CDH18: variants seen among roughly 807,000 people sequenced by gnomAD.
CDH18 encodes cadherin-18.
In CDH18, 31 loss-of-function variants were observed where a neutral mutation model predicts 67.9. The ratio of observed to expected loss-of-function variants is 0.46; its 90% CI spans 0.34 to 0.62. The LOEUF is 0.62. Among genes scored for constraint, CDH18 ranks in the 20% least tolerant of loss-of-function variants. The pLI, the probability that CDH18 is intolerant of heterozygous loss-of-function variation, is 0.01. For missense variants in CDH18, 890 were observed against 975.5 expected (o/e 0.91, Z 1.17); for synonymous variants, 362 against 347.2 (o/e 1.04, Z -0.48).
chr5:19,848,950 C>T (rs1471873262), intron 2 of CDH18, among the ~76,000 whole-genome samples: 2 of 150,070 alleles, frequency 1.3e-5, no homozygotes, highest in Non-Finnish European at 3.0e-5. Flanking sequence ...TATATATACA[C>T]ACACACACAT....
At chr5:20,115,554 G>T (rs952557499) in intron 2 of CDH18, among the ~76,000 whole-genome samples, 1 of 151,836 alleles carries the variant, frequency 6.6e-6, no homozygotes, top group East Asian at 1.9e-4. Flanking sequence ...TGGGATTACA[G>T]GTGGACCTCA....
intron 2 of CDH18, among the ~76,000 whole-genome samples, chr5:20,060,852 A>C (rs191912036): frequency 6.6e-6 from 1 of 152,206 alleles, no homozygotes; most frequent in African/African-American, 2.4e-5. Flanking sequence ...AATGGCTCTG[A>C]AAGAAAACAA....
At chr5:20,077,111 A>T (rs965548168) in intron 2 of CDH18, among the ~76,000 whole-genome samples, 8 of 152,160 alleles carry the variant, frequency 5.3e-5, no homozygotes, top group Non-Finnish European at 7.4e-5. Context: ...CCCTACTCCA[A>T]GAAAATTGGG....
At chr5:20,140,174 T>C (rs1750112946) in intron 2 of CDH18, among the ~76,000 whole-genome samples, 2 of 152,156 alleles carry the variant, frequency 1.3e-5, no homozygotes, top group Non-Finnish European at 2.9e-5. Context: ...TGTAGGCACA[T>C]GGATGAAGCT....
chr5:19,747,194 T>G lies in CDH18; in HGVS notation c.271A>C (p.Ile91Leu). 6.2e-7 allele frequency: 1 copy of G among 1,613,982 alleles called. No individual in the cohort carries two copies. The highest frequency in any genetic ancestry group is 8.5e-7 in the Non-Finnish European group (1 of 1,179,864). ...SDKGDGSVKY[I>L]LTGEGAGTIF... ...GTCCCAGCACCCTCTCCAGTAAGGATGTACTTGACAGATCCATCACCTTTG... is the reference window on the plus strand; with the variant it reads ...GTCCCAGCACCCTCTCCAGTAAGGAGGTACTTGACAGATCCATCACCTTTG... Residue 91 changes from isoleucine (I) to leucine (L), a missense_variant, in exon 4 of 13, where the codon ATC becomes CTC. This residue lies in a region of CDH18 where 234 missense variants were observed against 307.4 expected (regional missense o/e 0.76). Coordinates refer to ENST00000382275, the MANE Select transcript of CDH18 (RefSeq NM_004934.5).
At chr5:20,517,755 C>T (rs1755467312) in intron 1 of CDH18, among the ~76,000 whole-genome samples, 1 of 151,912 alleles carries the variant, frequency 6.6e-6, no homozygotes, top group Non-Finnish European at 1.5e-5. Flanking sequence ...TTGGAAAAAA[C>T]ACCAAAGAAA....
At chr5:20,513,548 T>C (rs1755173834) in intron 1 of CDH18, among the ~76,000 whole-genome samples, 1 of 152,156 alleles carries the variant, frequency 6.6e-6, no homozygotes, top group Admixed American at 6.6e-5. Context: ...TTCAAATAAC[T>C]TCTTTAATAT....
intron 2 of CDH18, among the ~76,000 whole-genome samples, chr5:20,142,560 A>G (rs571699985): frequency 6.5e-4 from 99 of 151,870 alleles, no homozygotes; most frequent in South Asian, 4.4e-3. Context: ...AGCCTGGACA[A>G]CAGAGAGAGA....
chr5:19,648,616 A>G (rs992859985), intron 5 of CDH18, among the ~76,000 whole-genome samples: 2 of 152,004 alleles, frequency 1.3e-5, no homozygotes, highest in African/African-American at 4.8e-5. Context: ...TAGCTATTCT[A>G]TTGATGTTCA....
chr5:19,679,223 T>C (rs527312861), intron 5 of CDH18, among the ~76,000 whole-genome samples: 32 of 152,184 alleles, frequency 2.1e-4, no homozygotes, highest in African/African-American at 7.5e-4. Context: ...TCTCAATAGA[T>C]GCAGAAAAGT....
At chr5:19,945,447 A>G (rs968904478) in intron 2 of CDH18, among the ~76,000 whole-genome samples, 5 of 152,196 alleles carry the variant, frequency 3.3e-5, no homozygotes, top group Admixed American at 6.5e-5. Flanking sequence ...CTAATATTGT[A>G]TCTAGAAGTC....
At chr5:20,134,907 C>G (rs1749571173) in intron 2 of CDH18, among the ~76,000 whole-genome samples, 2 of 152,202 alleles carry the variant, frequency 1.3e-5, no homozygotes, top group South Asian at 4.2e-4. Context: ...AACTCATTCT[C>G]TTAGTGCGTC....
chr5:19,881,752 C>T (rs567971036), intron 2 of CDH18, among the ~76,000 whole-genome samples: 1 of 152,140 alleles, frequency 6.6e-6, no homozygotes, highest in South Asian at 2.1e-4. Flanking sequence ...GTGATCCACC[C>T]GCCTCGACCT....
intron 1 of CDH18, among the ~76,000 whole-genome samples, chr5:20,371,893 A>G (rs1256030626): frequency 3.9e-5 from 6 of 152,194 alleles, no homozygotes; most frequent in African/African-American, 7.2e-5. Context: ...CTTTGGCGAT[A>G]TGAGCATGAG....
Position 19,928,530 on chromosome 5 carries a change from G to A in CDH18, c.-257+52530C>T, listed in dbSNP as rs536365393. ...TGAAAGTTCTATCAGTACATGGAAC[G>A]TAGCATGTATATCCATACATGCTAC... On this transcript the variant is annotated intron_variant, in intron 2 of 12. Transcript: ENST00000382275. Among the ~76,000 whole-genome samples the A allele has an allele frequency of 3.3e-4, 50 of 152,204 alleles. 1 individual carries two copies. In the Middle Eastern group the frequency reaches 0.01, roughly 31 times the overall value.
At chr5:20,057,565 A>G (rs1005082232) in intron 2 of CDH18, among the ~76,000 whole-genome samples, 2 of 152,190 alleles carry the variant, frequency 1.3e-5, no homozygotes, top group Admixed American at 6.5e-5. Flanking sequence ...AAAGATAGCT[A>G]TCATGAAATT....
chr5:20,209,240 T>C (rs1740157802), intron 2 of CDH18, among the ~76,000 whole-genome samples: 1 of 152,070 alleles, frequency 6.6e-6, no homozygotes. Context: ...GATCTAGCAA[T>C]TTCACTATTA....
In CDH18 at chr5:19,793,088, C is replaced by T. The variant is rs375082695; in HGVS notation, c.228+45671G>A. On this transcript the variant is annotated intron_variant, in intron 3 of 12. Coordinates refer to ENST00000382275, the MANE Select transcript of CDH18 (RefSeq NM_004934.5). ...TCTTCTAGAGCTAATACTCCTCCTC[C>T]TCCTTCTACTATGACAGAAAACCCT... Among the ~76,000 whole-genome samples, 15 of 152,210 alleles carry T rather than the reference C, an allele frequency of 9.9e-5. No homozygotes were observed. In the East Asian group the frequency reaches 1.9e-3, roughly 20 times the overall value.
intron 2 of CDH18, among the ~76,000 whole-genome samples, chr5:19,841,611 A>G (rs1782331104): frequency 6.7e-6 from 1 of 149,032 alleles, no homozygotes; most frequent in East Asian, 2.0e-4. Context: ...TTTTCTTCTT[A>G]GAAGCCAAGT....
Sources: gnomAD v4.1 joint callset for allele counts (sites outside exome capture counted in the v4.1 genomes callset) on GRCh38, gnomAD v4.1.1 for gene constraint, gnomAD v4.1.1 regional missense constraint, MANE v1.5 for transcripts, NCBI Gene and HGNC (gene_info 2026-07-23, HGNC 2026-07-21) for gene names.